Variants in PPP2R2C observed in about 807,000 individuals in gnomAD.
PPP2R2C encodes the protein protein phosphatase 2 regulatory subunit Bgamma, also known as protein phosphatase 2, regulatory subunit B, gamma.
In PPP2R2C, 10 loss-of-function variants were observed where a neutral mutation model predicts 45.3. The ratio of observed to expected loss-of-function variants is 0.22; its 90% CI spans 0.14 to 0.37. The LOEUF is 0.37. Among genes scored for constraint, PPP2R2C ranks in the 10% least tolerant of loss-of-function variants. PPP2R2C has a pLI of 1.00. For synonymous variants in PPP2R2C, 257 were observed against 245.4 expected (o/e 1.05, Z -0.44); for missense variants, 308 against 619.7 (o/e 0.50, Z 5.34).
chr4:6,472,215 C>T lies in PPP2R2C; in HGVS notation c.15G>A (p.Thr5=), dbSNP rs150211739. Reference sequence around the variant, plus strand: ...AGCTGTGGTTAATTTTCCGCGTGTCCGTGTCCTCGCCCATTGAAGGCCGTG... The same window carrying T: ...AGCTGTGGTTAATTTTCCGCGTGTCTGTGTCCTCGCCCATTGAAGGCCGTG... MGED[T]DTRKINHSFL... is the part of the protein sequence containing the mutation. The change falls in exon 1 of 9, where the codon ACG becomes ACA. Residue 5 remains threonine (T), a synonymous_variant. Transcript: ENST00000382599. 3 of 1,613,038 alleles carry T rather than the reference C, an allele frequency of 1.9e-6. No homozygotes were observed. In the African/African-American group the frequency reaches 4.0e-5, roughly 22 times the overall value.
intron 5 of PPP2R2C, among the ~76,000 whole-genome samples, chr4:6,369,546 A>G (rs1452166463): frequency 6.6e-6 from 1 of 152,236 alleles, no homozygotes; most frequent in African/African-American, 2.4e-5. Context: ...GGAGGCAGGC[A>G]CAGCTGTGGG....
rs190296716 is a variant in PPP2R2C at position 6,548,684 on chromosome 4, A to T, written c.-58-13307T>A. ...CTCCAGGGCAAAGGCTGCCTGCCAG[A>T]GTCCTGGTGTGTGCAGAAATGGGCA... is the stretch of plus-strand genomic sequence containing the variant. On this transcript the variant is annotated intron_variant, in intron 1 of 9. Transcript: ENST00000506140. Among the ~76,000 whole-genome samples, 927 of 152,328 alleles carry T rather than the reference A, an allele frequency of 6.1e-3. 7 individuals are homozygous for T. Among genetic ancestry groups the T allele is most frequent in the Non-Finnish European group, 9.8e-3 (667 of 68,024 alleles).
chr4:6,394,504 A>G (rs1346307745), intron 1 of PPP2R2C, among the ~76,000 whole-genome samples: 1 of 152,216 alleles, frequency 6.6e-6, no homozygotes, highest in East Asian at 1.9e-4. Flanking sequence ...CAGCTGGGGG[A>G]CCTGGTTCGA....
intron 1 of PPP2R2C, among the ~76,000 whole-genome samples, chr4:6,402,894 C>T (rs947425273): frequency 1.1e-4 from 17 of 152,364 alleles, no homozygotes; most frequent in African/African-American, 3.6e-4. Context: ...AGGACCTCAA[C>T]GGCAGACAGA....
chr4:6,561,734 C>T (rs1225226466), intron 1 of PPP2R2C, among the ~76,000 whole-genome samples: 1 of 152,158 alleles, frequency 6.6e-6, no homozygotes, highest in Admixed American at 6.5e-5. Flanking sequence ...CATACACACA[C>T]TGGCGTTTAG....
intron 2 of PPP2R2C, among the ~76,000 whole-genome samples, chr4:6,534,469 C>A (rs1454677226): frequency 6.6e-6 from 1 of 151,760 alleles, no homozygotes; most frequent in Non-Finnish European, 1.5e-5. Flanking sequence ...CACACACACC[C>A]TAACACACAT....
chr4:6,332,057 G>T lies in PPP2R2C; in HGVS notation c.960+1505C>A, dbSNP rs575271240. Among the ~76,000 whole-genome samples, 1 of 152,146 alleles carries T rather than the reference G, an allele frequency of 6.6e-6. No homozygotes were observed. The highest frequency in any genetic ancestry group is 2.4e-5 in the African/African-American group (1 of 41,418). ...GAACAGTCATTCCCCTCCTTCGTGG[G>T]GTCCTTCATGAGAATTTCAGAAAGC... On this transcript the variant is annotated intron_variant, in intron 7 of 8. Transcript: ENST00000382599. The surrounding 1 kb of genome is among the most constrained non-coding windows in gnomAD (Gnocchi z 4.9).
upstream of PPP2R2C, among the ~76,000 whole-genome samples, chr4:6,475,950 A>G (rs1722129853): frequency 6.6e-6 from 1 of 152,096 alleles, no homozygotes; most frequent in African/African-American, 2.4e-5. Flanking sequence ...CCCTATAGGA[A>G]GAGACCAAAG....
At chr4:6,350,237 C>G in intron 5 of PPP2R2C, 9 of 985,474 alleles carry the variant, frequency 9.1e-6, no homozygotes, top group Non-Finnish European at 9.6e-6. Context: ...CAGCGTCCAC[C>G]TGGCAGCCCA....
intron 5 of PPP2R2C, among the ~76,000 whole-genome samples, chr4:6,355,477 C>A (rs1189830959): frequency 6.6e-5 from 10 of 150,740 alleles, no homozygotes; most frequent in African/African-American, 2.5e-4. Flanking sequence ...ATGTAACTAA[C>A]CTGTACAATG....
At chr4:6,384,869 G>T (rs1216990071) in intron 1 of PPP2R2C, 1 of 985,034 alleles carries the variant, frequency 1.0e-6, no homozygotes, top group Non-Finnish European at 1.2e-6. Context: ...CAGAAGTGCT[G>T]GTTGGAGTCT....
chr4:6,468,650 G>T (rs946265651), intron 1 of PPP2R2C, among the ~76,000 whole-genome samples: 5 of 152,124 alleles, frequency 3.3e-5, no homozygotes, highest in Non-Finnish European at 5.9e-5. Flanking sequence ...CCTCCCCTTG[G>T]CTGAGCTCCT....
chr4:6,467,937 G>C (rs1020767565), intron 1 of PPP2R2C, among the ~76,000 whole-genome samples: 1 of 152,110 alleles, frequency 6.6e-6, no homozygotes, highest in Admixed American at 6.5e-5. Flanking sequence ...AACTACCTGT[G>C]GTTCTCCCTA....
At chr4:6,371,035 C>T (rs1044641147) in intron 5 of PPP2R2C, among the ~76,000 whole-genome samples, 3 of 152,226 alleles carry the variant, frequency 2.0e-5, no homozygotes, top group Admixed American at 2.0e-4. Flanking sequence ...TCCTGATACC[C>T]ACCAAGTGCT....
chr4:6,324,664 G>A lies in PPP2R2C; in HGVS notation c.1053-1071C>T, dbSNP rs997311486. Among the ~76,000 whole-genome samples the A allele has an allele frequency of 3.9e-5, 6 of 152,208 alleles. No homozygotes were observed. The highest frequency in any genetic ancestry group is 3.9e-4 in the Admixed American group (6 of 15,282). ...GAGGGTCGGGGCGAGCAGTGCTGAC[G>A]TGCAGGGGCTCGCTGCCCTCACCGT... On this transcript the variant is annotated intron_variant, in intron 8 of 8. Coordinates refer to ENST00000382599, the MANE Select transcript of PPP2R2C (RefSeq NM_020416.4). This position sits in a 1 kb window ranked among gnomAD's most constrained non-coding sequence, Gnocchi z 4.1.
At chr4:6,533,810 C>T (rs572170566) in intron 2 of PPP2R2C, among the ~76,000 whole-genome samples, 7 of 152,228 alleles carry the variant, frequency 4.6e-5, no homozygotes, top group South Asian at 2.1e-4. Flanking sequence ...CCTACAGGCC[C>T]GTCGACCCGG....
At chr4:6,508,496 A>G (rs999002101) in intron 2 of PPP2R2C, among the ~76,000 whole-genome samples, 19 of 152,160 alleles carry the variant, frequency 1.2e-4, no homozygotes, top group African/African-American at 4.3e-4. Context: ...GGCTGAGGCA[A>G]GAGAATTGCT....
At chr4:6,504,150 G>C (rs974592276) in intron 2 of PPP2R2C, among the ~76,000 whole-genome samples, 5 of 152,158 alleles carry the variant, frequency 3.3e-5, no homozygotes, top group Non-Finnish European at 7.3e-5. Context: ...AATCTGGCAG[G>C]GAATGAGGAG....
intron 1 of PPP2R2C, among the ~76,000 whole-genome samples, chr4:6,428,369 CT>C (rs1719445753): frequency 6.6e-6 from 1 of 152,208 alleles, no homozygotes; most frequent in Non-Finnish European, 1.5e-5. Flanking sequence ...CAGGGCAAGC[CT>C]TAAGTTTCCA....
Sources: gnomAD v4.1 joint callset for allele counts (sites outside exome capture counted in the v4.1 genomes callset) on GRCh38, gnomAD v4.1.1 for gene constraint, Gnocchi (gnomAD v3.1) non-coding constraint, MANE v1.5 for transcripts, NCBI Gene and HGNC (gene_info 2026-07-23, HGNC 2026-07-21) for gene names.